QTMAN: variants seen among roughly 807,000 people sequenced by gnomAD.
QTMAN encodes tRNA-queuosine alpha-mannosyltransferase.
chr2:144,165,098 G>A, the QTMAN span, among the ~76,000 whole-genome samples: 1 of 152,180 alleles, frequency 6.6e-6, no homozygotes, highest in South Asian at 2.1e-4. Context: ...CTGGCCAGGT[G>A]CGGTGGCTCA....
the QTMAN span, among the ~76,000 whole-genome samples, chr2:144,094,846 C>T: frequency 2.0e-5 from 3 of 152,264 alleles, no homozygotes; most frequent in South Asian, 2.1e-4. Context: ...GTCAAAGTTG[C>T]CCCTTGGCAA....
At chr2:144,237,639 C>T in the QTMAN span, among the ~76,000 whole-genome samples, 59 of 152,158 alleles carry the variant, frequency 3.9e-4, no homozygotes, top group African/African-American at 1.2e-3. Flanking sequence ...CAGATAAATC[C>T]GATCAACTTG....
At chr2:144,255,520 C>T in the QTMAN span, among the ~76,000 whole-genome samples, 13 of 152,226 alleles carry the variant, frequency 8.5e-5, no homozygotes, top group African/African-American at 2.6e-4. Context: ...TACCCAGTCT[C>T]GGGTATTTCT....
At chr2:144,191,111 C>CTGTG in the QTMAN span, among the ~76,000 whole-genome samples, 1 of 152,206 alleles carries the variant, frequency 6.6e-6, no homozygotes, top group Non-Finnish European at 1.5e-5. Flanking sequence ...CATATTGCCA[C>CTGTG]TGTGTCATGG....
the QTMAN span, among the ~76,000 whole-genome samples, chr2:144,136,395 A>AAAAGGAAAGG: frequency 0.12 from 11,784 of 97,274 alleles, 1,087 homozygotes; most frequent in African/African-American, 0.21. Context: ...AAGGAAAAGG[A>AAAAGGAAAGG]AAAGGAAAGG....
At chr2:144,276,522 C>A in the QTMAN span, among the ~76,000 whole-genome samples, 163 of 152,280 alleles carry the variant, frequency 1.1e-3, no homozygotes, top group African/African-American at 3.7e-3. Flanking sequence ...TGTCCTCTTA[C>A]ACGTCAGACC....
chr2:144,199,292 GC>G, the QTMAN span, among the ~76,000 whole-genome samples: 1 of 152,080 alleles, frequency 6.6e-6, no homozygotes, highest in Non-Finnish European at 1.5e-5. Context: ...CAGGTGATCC[GC>G]CCGCCTCGGA....
chr2:144,155,826 T>TA, the QTMAN span, among the ~76,000 whole-genome samples: 2 of 151,960 alleles, frequency 1.3e-5, no homozygotes, highest in Non-Finnish European at 2.9e-5. Context: ...ATTATGACAC[T>TA]ATAATAATTA....
chr2:144,021,218 T>G, the QTMAN span, among the ~76,000 whole-genome samples: 1 of 152,168 alleles, frequency 6.6e-6, no homozygotes, highest in Non-Finnish European at 1.5e-5. Context: ...CTAATACCTT[T>G]CAGGTGAGAG....
At chr2:144,151,913 T>C in the QTMAN span, among the ~76,000 whole-genome samples, 1 of 152,292 alleles carries the variant, frequency 6.6e-6, no homozygotes, top group East Asian at 1.9e-4. Flanking sequence ...GCTATGGATA[T>C]TCAAAAACTT....
the QTMAN span, among the ~76,000 whole-genome samples, chr2:144,222,858 T>C: frequency 6.6e-6 from 1 of 152,154 alleles, no homozygotes; most frequent in Non-Finnish European, 1.5e-5. Flanking sequence ...CATCCATATG[T>C]ATTGCACATG....
At chr2:144,099,103 C>G in the QTMAN span, among the ~76,000 whole-genome samples, 92 of 152,282 alleles carry the variant, frequency 6.0e-4, no homozygotes, top group African/African-American at 2.1e-3. Flanking sequence ...CATGCATATA[C>G]ATGACATATG....
the QTMAN span, among the ~76,000 whole-genome samples, chr2:144,141,156 G>GT: frequency 6.6e-6 from 1 of 151,930 alleles, no homozygotes; most frequent in Non-Finnish European, 1.5e-5. Context: ...TCCTGCTAGT[G>GT]TGAGTCCCAC....
the QTMAN span, chr2:143,970,704 C>A: frequency 1.2e-6 from 2 of 1,611,436 alleles, no homozygotes; most frequent in Non-Finnish European, 1.7e-6. Context: ...AAATTGAGTC[C>A]TAAGTCTTTA....
chr2:143,968,370 C>A, the QTMAN span, among the ~76,000 whole-genome samples: 113 of 151,728 alleles, frequency 7.4e-4, no homozygotes, highest in Admixed American at 1.5e-3. Flanking sequence ...CTGTGGAATC[C>A]CCCCTCCACA....
At chr2:144,236,937 G>A in the QTMAN span, among the ~76,000 whole-genome samples, 2 of 151,922 alleles carry the variant, frequency 1.3e-5, no homozygotes, top group African/African-American at 2.4e-5. Flanking sequence ...AAATCAAGTA[G>A]AAGAAGGGAA....
chr2:144,301,147 A>G, the QTMAN span, among the ~76,000 whole-genome samples: 3 of 152,224 alleles, frequency 2.0e-5, no homozygotes, highest in Non-Finnish European at 4.4e-5. Flanking sequence ...TTACATTTCA[A>G]TTACCATTAC....
chr2:144,219,383 G>T, the QTMAN span, among the ~76,000 whole-genome samples: 1 of 152,068 alleles, frequency 6.6e-6, no homozygotes, highest in Non-Finnish European at 1.5e-5. Flanking sequence ...CACCCATCTC[G>T]GCCTCCCAAA....
the QTMAN span, among the ~76,000 whole-genome samples, chr2:144,156,203 T>G: frequency 6.6e-6 from 1 of 152,146 alleles, no homozygotes; most frequent in African/African-American, 2.4e-5. Flanking sequence ...AATGTTTGTT[T>G]TGGCAAGTTC....
Sources: gnomAD v4.1 joint callset for allele counts (sites outside exome capture counted in the v4.1 genomes callset) on GRCh38, gnomAD v4.1.1 for gene constraint, MANE v1.5 for transcripts, NCBI Gene and HGNC (gene_info 2026-07-23, HGNC 2026-07-21) for gene names.